MAPKAP1: variants seen among roughly 807,000 people sequenced by gnomAD.
The protein encoded by MAPKAP1 is target of rapamycin complex 2 subunit MAPKAP1.
A neutral mutation model predicts 65.7 loss-of-function variants in MAPKAP1; 20 were observed. That is an observed-to-expected ratio of 0.30 (90% CI 0.21 to 0.44). The LOEUF is 0.44. MAPKAP1 is among the 20% of genes least tolerant of loss of function. The pLI, the probability that MAPKAP1 is intolerant of heterozygous loss-of-function variation, is 1.00. For synonymous variants in MAPKAP1, 222 were observed against 244.3 expected, an observed-to-expected ratio of 0.91 and a Z score of 0.85; for missense variants, 423 against 648.0, an observed-to-expected ratio of 0.65 and a Z score of 3.77.
At chr9:125,693,712 T>C (rs13297070) in intron 1 of MAPKAP1, among the ~76,000 whole-genome samples, 8,055 of 57,392 alleles carry the variant, frequency 0.14, 1,076 homozygotes, top group African/African-American at 0.38. Context: ...TATATACACA[T>C]ATATACACGT....
At chr9:125,511,327 T>C (rs1000554691) in intron 7 of MAPKAP1, among the ~76,000 whole-genome samples, 2 of 152,174 alleles carry the variant, frequency 1.3e-5, no homozygotes, top group Non-Finnish European at 2.9e-5. Context: ...ATTCACTCTT[T>C]GGTCACCCTA....
intron 4 of MAPKAP1, among the ~76,000 whole-genome samples, chr9:125,597,440 T>C (rs1029924541): frequency 3.3e-5 from 5 of 151,946 alleles, no homozygotes; most frequent in African/African-American, 1.2e-4. Flanking sequence ...ACCCTGTCTC[T>C]AAAAGAAAAG....
chr9:125,529,871 T>G (rs1829885019), intron 7 of MAPKAP1, among the ~76,000 whole-genome samples: 1 of 152,244 alleles, frequency 6.6e-6, no homozygotes, highest in Admixed American at 6.5e-5. Flanking sequence ...TATTGTCATG[T>G]AAGGCAGAAA....
intron 8 of MAPKAP1, among the ~76,000 whole-genome samples, chr9:125,494,402 C>T (rs185756469): frequency 7.2e-5 from 11 of 152,268 alleles, no homozygotes; most frequent in South Asian, 6.2e-4. Flanking sequence ...ATGCTACCAC[C>T]GGGGTAGGGA....
rs769077740 is a variant in MAPKAP1 at position 125,506,321 on chromosome 9, A to G, written c.1055T>C (p.Val352Ala). ...ESQSAWEFCL[V>A]RENSSRADGV... ...GGCGGCCAACGTACTGTTCTCGCGG[A>G]CCAGGCAGAACTCCCATGCGCTCTG... is the stretch of plus-strand genomic sequence containing the variant. Residue 352 changes from valine to alanine, a missense_variant, in exon 8 of 12, where the codon GTC (valine) becomes GCC (alanine). Physicochemically the swap from Val to Ala is moderately conservative, Grantham distance 64. Coordinates refer to ENST00000265960, the MANE Select transcript of MAPKAP1 (RefSeq NM_001006617.3). 6.2e-7 allele frequency: 1 copy of G among 1,614,008 alleles called. No homozygotes were observed. The highest frequency in any genetic ancestry group is 1.1e-5 in the South Asian group (1 of 91,082).
intron 4 of MAPKAP1, among the ~76,000 whole-genome samples, chr9:125,622,403 T>C (rs978133612): frequency 1.3e-5 from 2 of 152,180 alleles, no homozygotes; most frequent in African/African-American, 4.8e-5. Context: ...TATCACTATG[T>C]ACCCCCATAA....
chr9:125,598,437 G>A (rs1223731007), intron 4 of MAPKAP1, among the ~76,000 whole-genome samples: 1 of 152,140 alleles, frequency 6.6e-6, no homozygotes, highest in African/African-American at 2.4e-5. Context: ...AATTTCCTCT[G>A]AATCACCAAC....
At chr9:125,661,443 C>T (rs1419693816) in intron 3 of MAPKAP1, among the ~76,000 whole-genome samples, 3 of 152,126 alleles carry the variant, frequency 2.0e-5, no homozygotes, top group Non-Finnish European at 2.9e-5. Flanking sequence ...CATGGGTTGG[C>T]ACTGGTACAT....
At chr9:125,648,204 T>C (rs907544119) in intron 4 of MAPKAP1, among the ~76,000 whole-genome samples, 3 of 152,180 alleles carry the variant, frequency 2.0e-5, no homozygotes, top group Non-Finnish European at 2.9e-5. Flanking sequence ...TGCCACACAC[T>C]AGTGGGGAAT....
intron 4 of MAPKAP1, among the ~76,000 whole-genome samples, chr9:125,615,909 G>A (rs1158165182): frequency 4.1e-5 from 6 of 148,110 alleles, no homozygotes; most frequent in African/African-American, 7.5e-5. Context: ...GTGGGACTCC[G>A]TCTCAGAAAA....
In MAPKAP1 at chr9:125,707,006, C is replaced by A; in HGVS notation, c.-105G>T. 1 of 396,914 alleles carries A rather than the reference C, an allele frequency of 2.5e-6. No individual in the cohort carries two copies. Among genetic ancestry groups the A allele is most frequent in the Non-Finnish European group, 4.4e-6 (1 of 225,304 alleles). The allele number at this position is 396,914 out of a possible 1,614,324, so 24.6% of individuals were successfully genotyped here. ...TTCCACACTACGGGCCGGGTCGGCC[C>A]CGGGACACGTTCCTGAGGGGAGGGC... On this transcript the variant is annotated 5_prime_UTR_variant, in exon 1 of 12. Coordinates refer to ENST00000265960, the MANE Select transcript of MAPKAP1 (RefSeq NM_001006617.3).
chr9:125,570,789 A>AAAG (rs1728930990), intron 5 of MAPKAP1, among the ~76,000 whole-genome samples: 1 of 152,230 alleles, frequency 6.6e-6, no homozygotes, highest in African/African-American at 2.4e-5. Context: ...AGGTTTATAA[A>AAAG]AAGTAACTTT....
intron 4 of MAPKAP1, among the ~76,000 whole-genome samples, chr9:125,643,487 G>A (rs549393515): frequency 3.3e-5 from 5 of 152,230 alleles, no homozygotes; most frequent in South Asian, 2.1e-4. Flanking sequence ...GAGCCACTGC[G>A]CCTGGCCTAT....
intron 8 of MAPKAP1, among the ~76,000 whole-genome samples, chr9:125,505,513 C>T (rs563348178): frequency 7.2e-5 from 11 of 152,102 alleles, no homozygotes; most frequent in South Asian, 2.1e-4. Flanking sequence ...TAGAAACACA[C>T]GCGACGGAGA....
intron 4 of MAPKAP1, among the ~76,000 whole-genome samples, chr9:125,650,018 C>T (rs553624085): frequency 6.6e-6 from 1 of 152,192 alleles, no homozygotes; most frequent in African/African-American, 2.4e-5. Context: ...CTCCACAAGC[C>T]GGACACGGAC....
intron 7 of MAPKAP1, among the ~76,000 whole-genome samples, chr9:125,541,040 T>A (rs559447960): frequency 3.3e-4 from 51 of 152,342 alleles, no homozygotes; most frequent in Non-Finnish European, 5.1e-4. Context: ...GCTTTTTGGA[T>A]TAAGAAAACG....
intron 7 of MAPKAP1, among the ~76,000 whole-genome samples, chr9:125,513,490 A>G (rs894905228): frequency 2.6e-5 from 4 of 152,210 alleles, no homozygotes; most frequent in African/African-American, 4.8e-5. Context: ...GCTAGACTTG[A>G]GCAGAACATC....
chr9:125,650,746 T>TA, intron 4 of MAPKAP1, among the ~76,000 whole-genome samples: 1 of 152,310 alleles, frequency 6.6e-6, no homozygotes, highest in Middle Eastern at 3.4e-3. Flanking sequence ...TGGAAGAAGT[T>TA]AGTTTTAAGA....
intron 5 of MAPKAP1, among the ~76,000 whole-genome samples, chr9:125,576,268 T>G (rs761970810): frequency 1.6e-4 from 25 of 152,198 alleles, no homozygotes; most frequent in Non-Finnish European, 3.2e-4. Context: ...GAGTGAACCC[T>G]AATGTATAAC....
Sources: allele counts gnomAD v4.1 joint callset (sites outside exome capture counted in the v4.1 genomes callset), GRCh38; gene constraint gnomAD v4.1.1; transcripts MANE v1.5; gene names NCBI Gene and HGNC (gene_info 2026-07-23, HGNC 2026-07-21).